NELL1: variants seen among roughly 807,000 people sequenced by gnomAD.
NELL1 encodes the protein neural EGFL like 1.
Under a neutral mutation model 107.4 loss-of-function variants are expected in NELL1, and 76 were observed. That is an observed-to-expected ratio of 0.71 (90% CI 0.59 to 0.86). The LOEUF (loss-of-function observed/expected upper bound fraction) is 0.86, where lower values mean the gene tolerates loss of function less well. Among genes scored for constraint, NELL1 ranks in the 40% least tolerant of loss-of-function variants. The pLI is 0.00. For synonymous variants in NELL1, 353 were observed against 341.2 expected (o/e 1.03, Z -0.38); for missense variants, 1,024 against 1,005.5 (o/e 1.02, Z -0.25).
chr11:21,207,854 C>A (rs1224934811), intron 13 of NELL1, among the ~76,000 whole-genome samples: 1 of 152,078 alleles, frequency 6.6e-6, no homozygotes, highest in Middle Eastern at 3.2e-3. Context: ...TTGTCTTTTC[C>A]ATTCAGTCTT....
intron 15 of NELL1, among the ~76,000 whole-genome samples, chr11:21,499,459 A>G (rs1402164959): frequency 6.6e-6 from 1 of 152,012 alleles, no homozygotes; most frequent in Non-Finnish European, 1.5e-5. Flanking sequence ...TATATTTTTG[A>G]AAAACTTTGT....
chr11:20,805,343 A>C (rs1460290003), intron 3 of NELL1, among the ~76,000 whole-genome samples: 1 of 151,708 alleles, frequency 6.6e-6, no homozygotes, highest in African/African-American at 2.4e-5. Context: ...GCCATTTGTT[A>C]TTTATTTTCT....
chr11:21,182,630 A>G (rs1856852579), intron 13 of NELL1, among the ~76,000 whole-genome samples: 1 of 151,166 alleles, frequency 6.6e-6, no homozygotes, highest in Admixed American at 6.6e-5. Context: ...TCACAGAAAT[A>G]GCCTTTTCAG....
At chr11:21,418,279 A>G (rs529213552) in intron 15 of NELL1, among the ~76,000 whole-genome samples, 1 of 152,116 alleles carries the variant, frequency 6.6e-6, no homozygotes, top group African/African-American at 2.4e-5. Context: ...AGTTATTTGG[A>G]TAGAAGCTAA....
At position 21,232,179 on chromosome 11, in the gene NELL1, A is replaced by ATAT. The variant is rs1565122814; in HGVS notation, c.1549+2725_1549+2726insTAT. Among the ~76,000 whole-genome samples, 16 of 111,552 alleles carry ATAT rather than the reference A, an allele frequency of 1.4e-4. 1 individual carries two copies. Among genetic ancestry groups the ATAT allele is most frequent in the South Asian group, 3.0e-4 (1 of 3,308 alleles). The allele number at this position is 111,552 out of a possible 152,430, so 73.2% of individuals were successfully genotyped here. A position where few individuals can be genotyped will look rare whatever the true frequency, so the allele number is the denominator to read the frequency against. ...AAAAAAATATATATATATATATATA[A>ATAT]ATTAGCTGGGCGTGGTGGTGTCCAC... On this transcript the variant is annotated intron_variant, in intron 14 of 19. Coordinates refer to ENST00000357134, the MANE Select transcript of NELL1 (RefSeq NM_006157.5).
At chr11:21,274,040 T>A (rs560668678) in intron 14 of NELL1, among the ~76,000 whole-genome samples, 1 of 152,236 alleles carries the variant, frequency 6.6e-6, no homozygotes, top group South Asian at 2.1e-4. Context: ...AGGATCAAAT[T>A]CACACATAAC....
intron 13 of NELL1, among the ~76,000 whole-genome samples, chr11:21,140,741 T>G (rs1337081082): frequency 3.3e-5 from 5 of 152,232 alleles, no homozygotes; most frequent in Non-Finnish European, 7.3e-5. Context: ...TAGCTCTTTA[T>G]AGAAAACCTT....
At chr11:20,840,848 C>T (rs1415905280) in intron 3 of NELL1, among the ~76,000 whole-genome samples, 3 of 152,132 alleles carry the variant, frequency 2.0e-5, no homozygotes, top group Non-Finnish European at 4.4e-5. Context: ...TATTGTGTCT[C>T]AAAATACAGT....
At chr11:20,813,716 A>G (rs1479773767) in intron 3 of NELL1, among the ~76,000 whole-genome samples, 1 of 152,034 alleles carries the variant, frequency 6.6e-6, no homozygotes, top group Non-Finnish European at 1.5e-5. Context: ...GTGCCTTTTT[A>G]CTCCAGCATT....
intron 3 of NELL1, among the ~76,000 whole-genome samples, chr11:20,786,991 G>C (rs1242394542): frequency 2.6e-5 from 3 of 113,534 alleles, no homozygotes; most frequent in African/African-American, 1.0e-4. Context: ...CTAGGCGAAA[G>C]AGCGAGACTC....
chr11:20,812,872 G>T (rs1200096830), intron 3 of NELL1, among the ~76,000 whole-genome samples: 1 of 150,800 alleles, frequency 6.6e-6, no homozygotes, highest in Non-Finnish European at 1.5e-5. Context: ...GCCGGGCGAG[G>T]TGGCGGGCGC....
intron 12 of NELL1, among the ~76,000 whole-genome samples, chr11:21,027,410 G>A (rs977429673): frequency 6.6e-6 from 1 of 151,984 alleles, no homozygotes; most frequent in Admixed American, 6.6e-5. Flanking sequence ...TTGCCAGCTA[G>A]TGATACACTA....
chr11:21,059,170 C>CT (rs1232121327), intron 12 of NELL1, among the ~76,000 whole-genome samples: 1 of 151,738 alleles, frequency 6.6e-6, no homozygotes, highest in Non-Finnish European at 1.5e-5. Flanking sequence ...TATGTTTCAC[C>CT]TTTTTTATGG....
chr11:20,927,871 A>T (rs574762892), intron 8 of NELL1, among the ~76,000 whole-genome samples: 2 of 152,298 alleles, frequency 1.3e-5, no homozygotes, highest in Non-Finnish European at 2.9e-5. Context: ...ATTGCAAGGC[A>T]TTTCCTCCCT....
intron 12 of NELL1, among the ~76,000 whole-genome samples, chr11:20,996,477 G>A (rs962829593): frequency 6.6e-6 from 1 of 152,104 alleles, no homozygotes; most frequent in Admixed American, 6.5e-5. Flanking sequence ...GATTCTCCAG[G>A]ACCTAATTTC....
chr11:20,676,731 G>A (rs1376746628), intron 1 of NELL1, among the ~76,000 whole-genome samples: 2 of 152,206 alleles, frequency 1.3e-5, no homozygotes, highest in Non-Finnish European at 2.9e-5. Flanking sequence ...GACAGGTGAG[G>A]TGGTGATAGC....
chr11:21,383,453 G>A (rs1851659683), intron 15 of NELL1, among the ~76,000 whole-genome samples: 1 of 151,692 alleles, frequency 6.6e-6, no homozygotes, highest in South Asian at 2.1e-4. Flanking sequence ...GTGCTTAAAA[G>A]ATAAAGTCCA....
chr11:20,850,562 A>G (rs1269676483), intron 4 of NELL1, among the ~76,000 whole-genome samples: 1 of 152,154 alleles, frequency 6.6e-6, no homozygotes. Context: ...CAGGATTTGG[A>G]CCCAAGTTTG....
Position 21,183,720 on chromosome 11 carries a change from A to G in NELL1, c.1427-45612A>G, listed in dbSNP as rs138009534. On this transcript the variant is annotated intron_variant, in intron 13 of 19. Transcript: ENST00000357134. ...TCCCCCGTGTTACCTGTCAAAGGAT[A>G]ATGAATATAACTAGTGGGAACCATG... Among the ~76,000 whole-genome samples the G allele has an allele frequency of 3.0e-3, 457 of 151,926 alleles. 4 individuals carry two copies. The highest frequency in any genetic ancestry group is 5.4e-3 in the Non-Finnish European group (370 of 68,020).
Sources: gnomAD v4.1 joint callset for allele counts (sites outside exome capture counted in the v4.1 genomes callset) on GRCh38, gnomAD v4.1.1 for gene constraint, MANE v1.5 for transcripts, NCBI Gene and HGNC (gene_info 2026-07-23, HGNC 2026-07-21) for gene names.